GOLGA4: variants seen among roughly 807,000 people sequenced by gnomAD.
GOLGA4 encodes golgin subfamily A member 4.
A neutral mutation model predicts 265.9 loss-of-function variants in GOLGA4; 169 were observed. That is an observed-to-expected ratio of 0.64 (90% CI 0.56 to 0.72). The LOEUF is 0.72. Ranked by LOEUF, GOLGA4 falls within the 30% of genes least tolerant of loss-of-function variation. The pLI, the probability that GOLGA4 is intolerant of heterozygous loss-of-function variation, is 0.00. For missense variants in GOLGA4, 2,482 were observed against 2,483.4 expected (o/e 1.00, Z 0.01); for synonymous variants, 923 against 855.8 (o/e 1.08, Z -1.37).
chr3:37,262,911 C>G (rs1268353429), intron 2 of GOLGA4, among the ~76,000 whole-genome samples: 1 of 151,856 alleles, frequency 6.6e-6, no homozygotes, highest in Non-Finnish European at 1.5e-5. Flanking sequence ...TGAAAAAATC[C>G]TATTGCCTGG....
chr3:37,260,056 C>T (rs2096765059), intron 2 of GOLGA4, among the ~76,000 whole-genome samples: 1 of 150,672 alleles, frequency 6.6e-6, no homozygotes, highest in African/African-American at 2.4e-5. Context: ...GTACTTTTTA[C>T]AGGGGTGTCT....
chr3:37,320,011 C>T (rs1242514812), intron 12 of GOLGA4: 3 of 152,066 alleles, frequency 2.0e-5, no homozygotes, highest in African/African-American at 2.4e-5. Context: ...GGCTGACTTG[C>T]ATTTTACAGA....
chr3:37,304,087 GAAA>G (rs1040724538), intron 10 of GOLGA4, among the ~76,000 whole-genome samples: 1 of 151,100 alleles, frequency 6.6e-6, no homozygotes, highest in Non-Finnish European at 1.5e-5. Context: ...ACATAAATGA[GAAA>G]AAAAAAGTTA....
At chr3:37,254,789 A>G (rs941781207) in intron 2 of GOLGA4, among the ~76,000 whole-genome samples, 5 of 150,584 alleles carry the variant, frequency 3.3e-5, no homozygotes, top group South Asian at 2.1e-4. Flanking sequence ...GGCGCGAGCC[A>G]CTGTGCCGGG....
chr3:37,286,557 TGAGATCCCA>T (rs2096850035), intron 4 of GOLGA4, among the ~76,000 whole-genome samples: 1 of 152,218 alleles, frequency 6.6e-6, no homozygotes, highest in Non-Finnish European at 1.5e-5. Flanking sequence ...AGAAAGTGAA[TGAGATCCCA>T]GAGATTTTAC....
chr3:37,246,979 T>C (rs1193498291), intron 1 of GOLGA4, among the ~76,000 whole-genome samples: 1 of 152,160 alleles, frequency 6.6e-6, no homozygotes, highest in Non-Finnish European at 1.5e-5. Context: ...AAGAGTCCTT[T>C]CTGAAGGGAC....
At chr3:37,268,937 T>G (rs966061276) in intron 2 of GOLGA4, among the ~76,000 whole-genome samples, 2 of 152,160 alleles carry the variant, frequency 1.3e-5, no homozygotes, top group Non-Finnish European at 2.9e-5. Context: ...AGAATAAAAA[T>G]TTAGTGAGGG....
At chr3:37,351,460 A>G (rs1269238313) in intron 21 of GOLGA4, among the ~76,000 whole-genome samples, 1 of 152,126 alleles carries the variant, frequency 6.6e-6, no homozygotes, top group East Asian at 1.9e-4. Context: ...ATGAATTACC[A>G]ATGTTCTTAG....
intron 2 of GOLGA4, among the ~76,000 whole-genome samples, chr3:37,259,141 C>G (rs2096762505): frequency 6.6e-6 from 1 of 152,080 alleles, no homozygotes; most frequent in African/African-American, 2.4e-5. Context: ...ATAACTAATT[C>G]AGTATCTACT....
rs1255690145 is a variant in GOLGA4 at position 37,264,087 on chromosome 3, A to G, written c.162+12603A>G. On this transcript the variant is annotated intron_variant, in intron 2 of 23. Transcript: ENST00000361924. ...TTGCTAGGGTTAGAGGTCATAGTGTACATTTTTGTTTGGCAGCACATCTTG... is the reference window on the plus strand; with the variant it reads ...TTGCTAGGGTTAGAGGTCATAGTGTGCATTTTTGTTTGGCAGCACATCTTG... 2.0e-5 allele frequency among the ~76,000 whole-genome samples: 3 copies of G among 152,254 alleles called. No homozygotes were observed. In the East Asian group the frequency reaches 5.8e-4, roughly 29 times the overall value.
At chr3:37,363,341 G>T (rs937023561) in intron 23 of GOLGA4, among the ~76,000 whole-genome samples, 1 of 152,136 alleles carries the variant, frequency 6.6e-6, no homozygotes, top group African/African-American at 2.4e-5. Flanking sequence ...CATTGTACTT[G>T]TTATTATTGC....
At chr3:37,285,905 G>T (rs975179768) in intron 3 of GOLGA4, 109 bp from the exon 4 acceptor site, 1 of 612,536 alleles carries the variant, frequency 1.6e-6, no homozygotes, top group Non-Finnish European at 3.0e-6. Context: ...ATCCTATTAA[G>T]GACTCTTCTA....
rs2096963646 is a variant in GOLGA4 at position 37,324,339 on chromosome 3, A to G, written c.2453A>G (p.Glu818Gly). The G allele has an allele frequency of 1.2e-6, 2 of 1,614,160 alleles. No homozygotes were observed. Among genetic ancestry groups the G allele is most frequent in the Non-Finnish European group, 1.7e-6 (2 of 1,180,008 alleles). The change falls in exon 14 of 24, where the codon GAG becomes GGG. Residue 818 changes from glutamate to glycine, a missense_variant. Glu to Gly is a moderately conservative substitution (Grantham distance 98, BLOSUM62 -2). Coordinates refer to ENST00000361924, the MANE Select transcript of GOLGA4 (RefSeq NM_002078.5). ...ACACATGAGCAGACAAAAGCATATG[A>G]GGAACAGTTGGCCCAATTGCAGCAG... is the stretch of plus-strand genomic sequence containing the variant. ...SATHEQTKAY[E>G]EQLAQLQQKL...
At chr3:37,307,604 T>C (rs1163993448) in intron 10 of GOLGA4, among the ~76,000 whole-genome samples, 1 of 151,676 alleles carries the variant, frequency 6.6e-6, no homozygotes, top group Non-Finnish European at 1.5e-5. Flanking sequence ...GAATAAGCTT[T>C]ACAAAGAAAA....
intron 12 of GOLGA4, 84 bp from the exon 13 acceptor site, chr3:37,321,647 G>T (rs1395072589): frequency 2.4e-6 from 3 of 1,254,398 alleles, no homozygotes; most frequent in African/African-American, 1.5e-5. Flanking sequence ...CAGATCAAAA[G>T]AAATGAATGA....
chr3:37,320,902 G>A (rs1043244200), intron 12 of GOLGA4, among the ~76,000 whole-genome samples: 1 of 151,882 alleles, frequency 6.6e-6, no homozygotes, highest in Non-Finnish European at 1.5e-5. Flanking sequence ...ATATTTAAAT[G>A]GATATTTTAA....
At chr3:37,312,770 C>T (rs1434548461) in intron 10 of GOLGA4, among the ~76,000 whole-genome samples, 2 of 152,092 alleles carry the variant, frequency 1.3e-5, no homozygotes, top group Non-Finnish European at 2.9e-5. Flanking sequence ...GCAATCCTCC[C>T]ACCTTGGCCT....
chr3:37,304,538 G>A (rs750781502), intron 10 of GOLGA4, among the ~76,000 whole-genome samples: 2 of 152,188 alleles, frequency 1.3e-5, no homozygotes. Flanking sequence ...CTAATGCATA[G>A]CCTCAGCTTC....
At chr3:37,275,246 A>G (rs2096812709) in intron 2 of GOLGA4, among the ~76,000 whole-genome samples, 1 of 151,292 alleles carries the variant, frequency 6.6e-6, no homozygotes, top group Admixed American at 6.6e-5. Flanking sequence ...AAAAAAGAAA[A>G]AAAAAACCCC....
Sources: allele counts gnomAD v4.1 joint callset (sites outside exome capture counted in the v4.1 genomes callset), GRCh38; gene constraint gnomAD v4.1.1; transcripts MANE v1.5; gene names NCBI Gene and HGNC (gene_info 2026-07-23, HGNC 2026-07-21).